CPA6: variants seen among roughly 807,000 people sequenced by gnomAD.
CPA6 encodes the protein carboxypeptidase B.
Under a neutral mutation model 63.3 loss-of-function variants are expected in CPA6, and 58 were observed. The observed-to-expected ratio is 0.92, with a 90% CI of 0.74 to 1.14. The LOEUF (loss-of-function observed/expected upper bound fraction) is 1.14, where lower values mean the gene tolerates loss of function less well. Among genes scored for constraint, CPA6 ranks in the 50% most tolerant of loss-of-function variants. The pLI is 0.00. For synonymous variants in CPA6, 185 were observed against 179.0 expected (o/e 1.03, Z -0.27); for missense variants, 565 against 526.6 (o/e 1.07, Z -0.71).
intron 1 of CPA6, among the ~76,000 whole-genome samples, chr8:67,664,989 G>A (rs1050188490): frequency 8.5e-5 from 13 of 152,070 alleles, no homozygotes; most frequent in African/African-American, 2.9e-4. Context: ...AAAGGGCGAG[G>A]CAGAAAGCAA....
chr8:67,656,549 C>T (rs436151), intron 1 of CPA6, among the ~76,000 whole-genome samples: 3,125 of 152,176 alleles, frequency 0.021, 54 homozygotes, highest in South Asian at 0.096. Flanking sequence ...GTGAGCCTGA[C>T]CTTATGACCA....
intron 2 of CPA6, among the ~76,000 whole-genome samples, chr8:67,584,330 C>A (rs775583298): frequency 1.3e-5 from 2 of 152,060 alleles, no homozygotes; most frequent in Non-Finnish European, 2.9e-5. Context: ...TCTTGAATAG[C>A]CCTCCTATTC....
At position 67,483,855 on chromosome 8, in the gene CPA6, G is replaced by T. The variant is rs367851504; in HGVS notation, c.751C>A (p.Arg251=). ...DGYHFSWTND[R]FWRKTRSRNS... ...CTTGACCTTGTTTTTCTCCAAAATC[G>T]ATCCTAGACATAATTAAGAAAACAG... Residue 251 remains arginine (R), a synonymous_variant, in exon 8 of 11, where the codon CGA becomes AGA. Transcript: ENST00000297770. The T allele has an allele frequency of 1.2e-6, 2 of 1,612,780 alleles. No homozygotes were observed. Among genetic ancestry groups the T allele is most frequent in the Non-Finnish European group, 1.7e-6 (2 of 1,178,852 alleles).
intron 2 of CPA6, among the ~76,000 whole-genome samples, chr8:67,538,245 AT>A (rs1274419451): frequency 6.6e-6 from 1 of 152,044 alleles, no homozygotes; most frequent in Non-Finnish European, 1.5e-5. Flanking sequence ...ATCCTTATTA[AT>A]TTTCTGTCTT....
intron 8 of CPA6, among the ~76,000 whole-genome samples, chr8:67,456,496 G>A (rs1291806562): frequency 1.3e-5 from 2 of 152,180 alleles, no homozygotes; most frequent in African/African-American, 4.8e-5. Flanking sequence ...TAGGGGTCCC[G>A]TGACCCCAGG....
At chr8:67,447,738 T>A (rs1239931192) in intron 8 of CPA6, among the ~76,000 whole-genome samples, 5 of 152,194 alleles carry the variant, frequency 3.3e-5, no homozygotes, top group Non-Finnish European at 7.3e-5. Context: ...GTGTATCACC[T>A]TTTGATTTTT....
intron 8 of CPA6, among the ~76,000 whole-genome samples, chr8:67,475,883 TTTCTTTCTTTCTTTC>T (rs1563968056): frequency 3.1e-4 from 12 of 39,028 alleles, no homozygotes; most frequent in African/African-American, 1.1e-3. Flanking sequence ...TTCTTTCTCC[TTTCTTTCTTTCTTTC>T]TTTCTTTCTT....
At chr8:67,504,455 C>T (rs558231921) in intron 6 of CPA6, among the ~76,000 whole-genome samples, 8 of 152,126 alleles carry the variant, frequency 5.3e-5, no homozygotes, top group East Asian at 1.9e-4. Flanking sequence ...ACAAAAGAAC[C>T]GTGGTTTCCA....
At chr8:67,510,376 T>C (rs1395219431) in intron 4 of CPA6, among the ~76,000 whole-genome samples, 1 of 151,964 alleles carries the variant, frequency 6.6e-6, no homozygotes, top group African/African-American at 2.4e-5. Context: ...CTTTTCTTTC[T>C]ATTCTTATTT....
chr8:67,644,607 A>T (rs1039210789), intron 1 of CPA6, among the ~76,000 whole-genome samples: 1 of 152,204 alleles, frequency 6.6e-6, no homozygotes, highest in African/African-American at 2.4e-5. Flanking sequence ...ATATACATTC[A>T]GTTCTGTGCA....
At chr8:67,575,740 C>T (rs1246067342) in intron 2 of CPA6, among the ~76,000 whole-genome samples, 2 of 152,008 alleles carry the variant, frequency 1.3e-5, no homozygotes, top group Non-Finnish European at 2.9e-5. Flanking sequence ...TGCCTGTAAT[C>T]CCAGCTACCT....
intron 1 of CPA6, among the ~76,000 whole-genome samples, chr8:67,718,992 G>A (rs1030051598): frequency 2.0e-5 from 3 of 152,040 alleles, no homozygotes; most frequent in Non-Finnish European, 4.4e-5. Context: ...TGAACCTTAG[G>A]TAGGGGGAAA....
chr8:67,504,268 A>G (rs1811886036), intron 6 of CPA6, among the ~76,000 whole-genome samples: 1 of 152,168 alleles, frequency 6.6e-6, no homozygotes, highest in Non-Finnish European at 1.5e-5. Flanking sequence ...GTAAGTGGTT[A>G]TGGGGAAATC....
chr8:67,592,732 T>C (rs1240249329), intron 2 of CPA6, among the ~76,000 whole-genome samples: 3 of 152,228 alleles, frequency 2.0e-5, no homozygotes, highest in African/African-American at 7.2e-5. Context: ...TTGGTGATGA[T>C]ATCCCCTTTA....
intron 2 of CPA6, among the ~76,000 whole-genome samples, chr8:67,577,315 C>T (rs1359837729): frequency 6.6e-6 from 1 of 152,100 alleles, no homozygotes; most frequent in Non-Finnish European, 1.5e-5. Context: ...ACAGATAAAA[C>T]ATTTTACTTT....
chr8:67,426,988 C>G (rs1032324418), intron 10 of CPA6, among the ~76,000 whole-genome samples: 2 of 152,206 alleles, frequency 1.3e-5, no homozygotes, highest in African/African-American at 4.8e-5. Context: ...GCCATATACC[C>G]ACTTGGAAGG....
intron 1 of CPA6, among the ~76,000 whole-genome samples, chr8:67,719,290 G>T (rs1292701638): frequency 6.6e-6 from 1 of 152,134 alleles, no homozygotes; most frequent in African/African-American, 2.4e-5. Context: ...ATGAGCGGCT[G>T]AAGGTCAGGG....
At chr8:67,471,910 G>A (rs1811067451) in intron 8 of CPA6, among the ~76,000 whole-genome samples, 1 of 152,020 alleles carries the variant, frequency 6.6e-6, no homozygotes, top group Non-Finnish European at 1.5e-5. Context: ...TGATAAAAAT[G>A]GTAACAAGGA....
chr8:67,644,732 C>T (rs919375384), intron 1 of CPA6, among the ~76,000 whole-genome samples: 4 of 152,108 alleles, frequency 2.6e-5, no homozygotes, highest in Non-Finnish European at 4.4e-5. Flanking sequence ...TTGCACATGT[C>T]AGGAGCAATA....
Sources: gnomAD v4.1 joint callset for allele counts (sites outside exome capture counted in the v4.1 genomes callset) on GRCh38, gnomAD v4.1.1 for gene constraint, MANE v1.5 for transcripts, NCBI Gene and HGNC (gene_info 2026-07-23, HGNC 2026-07-21) for gene names.